Variants in BBS5 observed in about 807,000 individuals in gnomAD.
The protein encoded by BBS5 is BBSome complex member BBS5.
A neutral mutation model predicts 50.2 loss-of-function variants in BBS5; 39 were observed. The ratio of observed to expected loss-of-function variants is 0.78; its 90% CI spans 0.60 to 1.01. The LOEUF is 1.01. Among genes scored for constraint, BBS5 ranks in the 50% least tolerant of loss-of-function variants. The pLI, the probability that BBS5 is intolerant of heterozygous loss-of-function variation, is 0.00. For synonymous variants in BBS5, 134 were observed against 133.1 expected (o/e 1.01, Z -0.05); for missense variants, 356 against 401.5 (o/e 0.89, Z 0.97).
intron 2 of BBS5, among the ~76,000 whole-genome samples, chr2:169,486,636 G>T (rs1182894225): frequency 6.6e-6 from 1 of 152,176 alleles, no homozygotes; most frequent in Non-Finnish European, 1.5e-5. Flanking sequence ...TGCTAAGAAA[G>T]TACTCATATA....
At chr2:169,503,620 A>G (rs1336099314) in intron 10 of BBS5, among the ~76,000 whole-genome samples, 2 of 152,256 alleles carry the variant, frequency 1.3e-5, no homozygotes, top group African/African-American at 4.8e-5. Context: ...TGTTAATTAA[A>G]TTAATTTAAA....
At chr2:169,498,767 G>A (rs571287135) in intron 8 of BBS5, among the ~76,000 whole-genome samples, 17 of 147,606 alleles carry the variant, frequency 1.2e-4, no homozygotes, top group Middle Eastern at 3.6e-3. Context: ...AGATCGCGCC[G>A]CTGCACTCCA....
At chr2:169,489,285 A>T (rs1574337694) in intron 5 of BBS5, among the ~76,000 whole-genome samples, 1 of 151,846 alleles carries the variant, frequency 6.6e-6, no homozygotes, top group South Asian at 2.1e-4. Context: ...ATGTGGTGAA[A>T]CCCTGCCTCT....
chr2:169,482,718 G>A (rs1683419063), intron 2 of BBS5: 3 of 257,482 alleles, frequency 1.2e-5, no homozygotes, highest in Non-Finnish European at 2.3e-5. Flanking sequence ...CAGAAGTAAT[G>A]CACCATCAAT....
At position 169,505,118 on chromosome 2, in the gene BBS5, C is replaced by A; in HGVS notation, c.*536C>A. 4 of 865,620 alleles carry A rather than the reference C, an allele frequency of 4.6e-6. No individual in the cohort carries two copies. Among genetic ancestry groups the A allele is most frequent in the Non-Finnish European group, 7.4e-6 (4 of 539,452 alleles). The allele number at this position is 865,620 out of a possible 1,614,324, so 53.6% of individuals were successfully genotyped here. A position where few individuals can be genotyped will look rare whatever the true frequency, so the allele number is the denominator to read the frequency against. On this transcript the variant is annotated 3_prime_UTR_variant, in exon 12 of 12. Coordinates refer to ENST00000295240, the MANE Select transcript of BBS5 (RefSeq NM_152384.3). Reference sequence around the variant, plus strand: ...TACAGGCGCGCGCCGCCACACCTGACTGGTTTTCGTATTTTTTTGGTGGAG... The same window carrying A: ...TACAGGCGCGCGCCGCCACACCTGAATGGTTTTCGTATTTTTTTGGTGGAG...
chr2:169,504,301 A>G lies in BBS5; in HGVS notation c.901-2A>G. 1 of 1,612,946 alleles carries G rather than the reference A, an allele frequency of 6.2e-7. No homozygotes were observed. The highest frequency in any genetic ancestry group is 1.3e-5 in the African/African-American group (1 of 75,040). On this transcript the variant is annotated splice_acceptor_variant, in intron 10 of 11. Transcript: ENST00000295240. LOFTEE classifies it high-confidence loss of function. ...TGAAATAGAATTTTCTTTGTCTTAC[A>G]GGCTTATTTTGCTGATGGCAATAAG... is the stretch of plus-strand genomic sequence containing the variant.
chr2:169,479,669 C>T, intron 1 of BBS5, 57 bp downstream of exon 1: 2 of 1,589,220 alleles, frequency 1.3e-6, no homozygotes, highest in African/African-American at 2.7e-5. Context: ...CCGCCGTGCG[C>T]GTTAGGGACC....
chr2:169,493,773 G>A lies in BBS5; in HGVS notation c.555G>A (p.Val185=). The change falls in exon 7 of 12, where the codon GTG becomes GTA. Residue 185 remains valine (V), a synonymous_variant. Transcript: ENST00000295240. ...TAGGAACCTTTTTTATTACCAATGT[G>A]AGAATTGTGTGGCATGCAAATATGA... ...GNLGTFFITN[V]RIVWHANMND... is the part of the protein sequence containing the mutation. 1 of 1,612,980 alleles carries A rather than the reference G, an allele frequency of 6.2e-7. No individual in the cohort carries two copies. Among genetic ancestry groups the A allele is most frequent in the Non-Finnish European group, 8.5e-7 (1 of 1,179,100 alleles).
rs181495249 is a variant in BBS5 at position 169,505,191 on chromosome 2, G to T, written c.*609G>T. On this transcript the variant is annotated 3_prime_UTR_variant, in exon 12 of 12. Transcript: ENST00000295240. ...GGGCTGGTCTCCAGCTCCTAACCGCGAGTGATCCGCCAGCCTCGGCCTCCC... is the reference window on the plus strand; with the variant it reads ...GGGCTGGTCTCCAGCTCCTAACCGCTAGTGATCCGCCAGCCTCGGCCTCCC... 2.7e-5 allele frequency: 15 copies of T among 552,390 alleles called. No individual in the cohort carries two copies. The highest frequency in any genetic ancestry group is 4.3e-5 in the Non-Finnish European group (13 of 303,986). The allele number at this position is 552,390 out of a possible 1,614,324, so 34.2% of individuals were successfully genotyped here.
At position 169,505,303 on chromosome 2, in the gene BBS5, T is replaced by A. The variant is rs943758078; in HGVS notation, c.*721T>A. The A allele has an allele frequency of 2.1e-5, 8 of 380,698 alleles. No individual in the cohort carries two copies. Among genetic ancestry groups the A allele is most frequent in the Non-Finnish European group, 3.0e-5 (6 of 200,078 alleles). 23.6% of individuals were successfully genotyped at this position (380,698 alleles called of 1,614,324 possible). A position where few individuals can be genotyped will look rare whatever the true frequency, so the allele number is the denominator to read the frequency against. ...GTGCAGTGGCGTGATCTCCGCTCGCTACAACCTCCACCTCCCAGCTGCCTG... is the reference window on the plus strand; with the variant it reads ...GTGCAGTGGCGTGATCTCCGCTCGCAACAACCTCCACCTCCCAGCTGCCTG... On this transcript the variant is annotated 3_prime_UTR_variant, in exon 12 of 12. Coordinates refer to ENST00000295240, the MANE Select transcript of BBS5 (RefSeq NM_152384.3).
chr2:169,493,356 T>C (rs1402845034), intron 6 of BBS5, among the ~76,000 whole-genome samples: 1 of 138,292 alleles, frequency 7.2e-6, no homozygotes, highest in Non-Finnish European at 1.6e-5. Flanking sequence ...ATGTTTTGTT[T>C]CTCTTACTAC....
intron 1 of BBS5, among the ~76,000 whole-genome samples, chr2:169,481,457 T>C (rs1177253410): frequency 6.6e-6 from 1 of 152,166 alleles, no homozygotes; most frequent in African/African-American, 2.4e-5. Context: ...ATTAGCCAGA[T>C]TGTAACATTT....
Position 169,482,336 on chromosome 2 carries a change from G to A in BBS5, c.142+3G>A. The A allele has an allele frequency of 6.5e-7, 1 of 1,537,350 alleles. No homozygotes were observed. The highest frequency in any genetic ancestry group is 9.0e-7 in the Non-Finnish European group (1 of 1,110,516). On this transcript the variant is annotated splice_donor_region_variant and intron_variant, in intron 2 of 11. Transcript: ENST00000295240. ...CAAAGGAAATAATGGAGATAGAGGT[G>A]AGTATATTTTTAAATGTATCTTATA...
chr2:169,498,602 A>G lies in BBS5; in HGVS notation c.682-884A>G, dbSNP rs146183749. Among the ~76,000 whole-genome samples, 1,329 of 152,094 alleles carry G rather than the reference A, an allele frequency of 8.7e-3. 25 individuals carry two copies. The highest frequency in any genetic ancestry group is 0.03 in the African/African-American group (1,253 of 41,526). Reference sequence around the variant, plus strand: ...GGAGGTCGAGGCGGGCAGAGCAGGAAGTCAGGAGATCGAGACCACGGTGAA... The same window carrying G: ...GGAGGTCGAGGCGGGCAGAGCAGGAGGTCAGGAGATCGAGACCACGGTGAA... On this transcript the variant is annotated intron_variant, in intron 8 of 11. Transcript: ENST00000295240.
intron 9 of BBS5, 60 bp from the exon 10 acceptor site, chr2:169,503,035 C>T: frequency 8.5e-7 from 1 of 1,177,914 alleles, no homozygotes; most frequent in South Asian, 1.3e-5. Flanking sequence ...ACAGTATTTG[C>T]AGTTCTCATG....
chr2:169,493,088 G>A (rs546290638), intron 6 of BBS5, 79 bp downstream of exon 6: 96 of 1,501,294 alleles, frequency 6.4e-5, no homozygotes, highest in South Asian at 5.7e-4. Flanking sequence ...GATTTATATA[G>A]TCAATTCTAA....
At chr2:169,485,454 C>T (rs1683473462) in intron 2 of BBS5, among the ~76,000 whole-genome samples, 1 of 152,130 alleles carries the variant, frequency 6.6e-6, no homozygotes, top group Non-Finnish European at 1.5e-5. Context: ...AGGTGATGAA[C>T]CTAACTGCCT....
chr2:169,484,885 A>G (rs1159316667), intron 2 of BBS5, among the ~76,000 whole-genome samples: 1 of 152,228 alleles, frequency 6.6e-6, no homozygotes, highest in African/African-American at 2.4e-5. Flanking sequence ...AGAAACAGGG[A>G]CAACTATACT....
intron 5 of BBS5, among the ~76,000 whole-genome samples, chr2:169,491,123 A>T (rs1043359944): frequency 6.6e-6 from 1 of 152,202 alleles, no homozygotes. Context: ...GTTACTATGA[A>T]CATTTGTGTA....
Sources: gnomAD v4.1 joint callset for allele counts (sites outside exome capture counted in the v4.1 genomes callset) on GRCh38, gnomAD v4.1.1 for gene constraint, MANE v1.5 for transcripts, NCBI Gene and HGNC (gene_info 2026-07-23, HGNC 2026-07-21) for gene names.